CFAP299: variants seen among roughly 807,000 people sequenced by gnomAD.
CFAP299 encodes the protein cilia and flagella associated protein 299.
A neutral mutation model predicts 27.0 loss-of-function variants in CFAP299; 21 were observed. That is an observed-to-expected ratio of 0.78 (90% CI 0.55 to 1.12). The LOEUF is 1.12. Among genes scored for constraint, CFAP299 ranks in the 50% most tolerant of loss-of-function variants. The probability of loss-of-function intolerance (pLI) is 0.00; values close to 1 mark genes in which losing one functional copy is unlikely to be tolerated. For synonymous variants in CFAP299, 104 were observed against 98.1 expected (o/e 1.06, Z -0.36); for missense variants, 310 against 276.6 (o/e 1.12, Z -0.86).
chr4:80,433,531 A>G (rs1053257369), intron 2 of CFAP299, among the ~76,000 whole-genome samples: 29 of 152,208 alleles, frequency 1.9e-4, no homozygotes, highest in African/African-American at 6.8e-4. Context: ...AAAAGCACAG[A>G]TGGCTTTAAT....
intron 3 of CFAP299, among the ~76,000 whole-genome samples, chr4:80,774,962 G>T (rs978648844): frequency 6.6e-6 from 1 of 151,772 alleles, no homozygotes; most frequent in Non-Finnish European, 1.5e-5. Context: ...TATTAAAAAT[G>T]AGTTAGTGGG....
chr4:80,467,284 G>A (rs901075765), intron 2 of CFAP299, among the ~76,000 whole-genome samples: 4 of 152,062 alleles, frequency 2.6e-5, no homozygotes, highest in African/African-American at 9.7e-5. Flanking sequence ...TCTAGGTTTG[G>A]GCCTATTGAT....
intron 2 of CFAP299, among the ~76,000 whole-genome samples, chr4:80,390,606 C>G (rs950665087): frequency 7.5e-6 from 1 of 132,668 alleles, no homozygotes; most frequent in African/African-American, 3.0e-5. Context: ...TATATGTATA[C>G]ACACATATGT....
chr4:80,828,411 A>G (rs1209684781), intron 3 of CFAP299, among the ~76,000 whole-genome samples: 1 of 152,072 alleles, frequency 6.6e-6, no homozygotes, highest in Non-Finnish European at 1.5e-5. Flanking sequence ...GATTTTTCAC[A>G]AGAGTACCAA....
At chr4:80,381,900 A>G (rs1165172524) in intron 2 of CFAP299, among the ~76,000 whole-genome samples, 2 of 152,084 alleles carry the variant, frequency 1.3e-5, no homozygotes, top group Non-Finnish European at 2.9e-5. Context: ...TCCTTCTACT[A>G]TCTTCCTTCT....
At chr4:80,363,956 G>A (rs1723677783) in intron 2 of CFAP299, among the ~76,000 whole-genome samples, 1 of 151,908 alleles carries the variant, frequency 6.6e-6, no homozygotes, top group Non-Finnish European at 1.5e-5. Context: ...GCGTGGTGGT[G>A]GGAGCCTGTA....
intron 2 of CFAP299, chr4:80,386,781 C>T (rs1725032778): frequency 2.4e-6 from 3 of 1,242,306 alleles, no homozygotes; most frequent in East Asian, 2.3e-5. Flanking sequence ...AACAACTTAC[C>T]GCAGCTTGTG....
Position 80,487,870 on chromosome 4 carries a change from A to G in CFAP299, c.243-95223A>G, listed in dbSNP as rs146295156. ...AATACTTCTCTCACATTGTTCTGCTAATTAGTCATCGATGGGAATATGTGA... is the reference window on the plus strand; with the variant it reads ...AATACTTCTCTCACATTGTTCTGCTGATTAGTCATCGATGGGAATATGTGA... On this transcript the variant is annotated intron_variant, in intron 2 of 5. Coordinates refer to ENST00000358105, the MANE Select transcript of CFAP299 (RefSeq NM_152770.3). 2.3e-4 allele frequency among the ~76,000 whole-genome samples: 35 copies of G among 152,268 alleles called. No homozygotes were observed. In the East Asian group the frequency reaches 6.8e-3, roughly 29 times the overall value.
intron 2 of CFAP299, among the ~76,000 whole-genome samples, chr4:80,564,949 A>G (rs952165169): frequency 1.3e-5 from 2 of 152,016 alleles, no homozygotes; most frequent in Non-Finnish European, 2.9e-5. Flanking sequence ...TTTACTTTAC[A>G]AAAGAAGTGA....
intron 4 of CFAP299, among the ~76,000 whole-genome samples, chr4:80,873,280 C>A (rs1244189950): frequency 6.6e-6 from 1 of 152,052 alleles, no homozygotes; most frequent in Non-Finnish European, 1.5e-5. Flanking sequence ...GTCTTTTATT[C>A]TATGCAGAGA....
At chr4:80,818,540 C>A (rs60249411) in intron 3 of CFAP299, among the ~76,000 whole-genome samples, 4,672 of 152,140 alleles carry the variant, frequency 0.031, 137 homozygotes, top group African/African-American at 0.082. Context: ...GTTTTACAAT[C>A]TTCTTTATAT....
rs150120722 is a variant in CFAP299 at position 80,350,101 on chromosome 4, G to A, written c.112-12653G>A. 7.8e-3 allele frequency among the ~76,000 whole-genome samples: 1,192 copies of A among 152,204 alleles called. 14 individuals are homozygous for A. The highest frequency in any genetic ancestry group is 0.027 in the African/African-American group (1,106 of 41,526). On this transcript the variant is annotated intron_variant, in intron 1 of 5. Transcript: ENST00000358105. ...AAAGACATAAACAAAAATGAACACA[G>A]CCTCAGTAACCTGTGGGGCAATGTC...
At chr4:80,636,845 A>G (rs2109954114) in intron 3 of CFAP299, among the ~76,000 whole-genome samples, 1 of 152,306 alleles carries the variant, frequency 6.6e-6, no homozygotes, top group South Asian at 2.1e-4. Flanking sequence ...AACAAAACCT[A>G]AAATATTTAC....
intron 2 of CFAP299, chr4:80,386,540 A>C: frequency 6.3e-7 from 1 of 1,592,068 alleles, no homozygotes; most frequent in East Asian, 2.2e-5. Flanking sequence ...CCGGGTTTGC[A>C]GGTCCTTTTC....
chr4:80,722,101 G>A (rs1722851325), intron 3 of CFAP299, among the ~76,000 whole-genome samples: 1 of 152,134 alleles, frequency 6.6e-6, no homozygotes, highest in Non-Finnish European at 1.5e-5. Context: ...CCTGTTTAAA[G>A]CAAAAATAAT....
intron 3 of CFAP299, among the ~76,000 whole-genome samples, chr4:80,596,988 A>G (rs987048383): frequency 6.6e-6 from 1 of 151,992 alleles, no homozygotes; most frequent in Non-Finnish European, 1.5e-5. Context: ...TGGACAATGG[A>G]TTGTCTACAA....
intron 3 of CFAP299, among the ~76,000 whole-genome samples, chr4:80,596,980 G>A (rs1411979167): frequency 6.6e-6 from 1 of 151,760 alleles, no homozygotes; most frequent in Non-Finnish European, 1.5e-5. Flanking sequence ...ACTTTTTATG[G>A]ACAATGGATT....
At chr4:80,703,683 T>C (rs1358611054) in intron 3 of CFAP299, among the ~76,000 whole-genome samples, 1 of 151,652 alleles carries the variant, frequency 6.6e-6, no homozygotes, top group Non-Finnish European at 1.5e-5. Context: ...CTCTATACAA[T>C]ATACTATTCT....
intron 3 of CFAP299, among the ~76,000 whole-genome samples, chr4:80,859,218 G>A (rs2110156499): frequency 6.6e-6 from 1 of 152,192 alleles, no homozygotes; most frequent in South Asian, 2.1e-4. Flanking sequence ...TTTTATCAGA[G>A]ACTAGGATTG....
Sources: gnomAD v4.1 joint callset for allele counts (sites outside exome capture counted in the v4.1 genomes callset) on GRCh38, gnomAD v4.1.1 for gene constraint, MANE v1.5 for transcripts, NCBI Gene and HGNC (gene_info 2026-07-23, HGNC 2026-07-21) for gene names.